RAB6B: variants seen among roughly 807,000 people sequenced by gnomAD.
RAB6B encodes ras-related protein Rab-6B.
A neutral mutation model predicts 31.2 loss-of-function variants in RAB6B; 7 were observed. The observed-to-expected ratio is 0.22, with a 90% CI of 0.13 to 0.42. The LOEUF is 0.42. Ranked by LOEUF, RAB6B falls within the 10% of genes least tolerant of loss-of-function variation. RAB6B has a pLI of 1.00. For synonymous variants in RAB6B, 105 were observed against 104.9 expected, an observed-to-expected ratio of 1.00 and a Z score of -0.01; for missense variants, 149 against 280.6, an observed-to-expected ratio of 0.53 and a Z score of 3.35.
At chr3:133,853,404 G>C (rs1936029541) in intron 2 of RAB6B, among the ~76,000 whole-genome samples, 1 of 151,886 alleles carries the variant, frequency 6.6e-6, no homozygotes, top group Non-Finnish European at 1.5e-5. Context: ...ACATAGCCCA[G>C]CAATGCCAGG....
intron 2 of RAB6B, among the ~76,000 whole-genome samples, chr3:133,845,506 G>A (rs1468565320): frequency 6.6e-6 from 1 of 152,202 alleles, no homozygotes; most frequent in Non-Finnish European, 1.5e-5. Flanking sequence ...CCAGACTCCT[G>A]AACTGTGAGC....
At chr3:133,864,139 CGT>C (rs1190954344) in intron 2 of RAB6B, among the ~76,000 whole-genome samples, 27 of 116,092 alleles carry the variant, frequency 2.3e-4, no homozygotes, top group Non-Finnish European at 3.6e-4. Context: ...TGTGTGCGCG[CGT>C]GTGTGTGTTT....
chr3:133,885,975 C>T (rs1936539648), intron 1 of RAB6B, among the ~76,000 whole-genome samples: 1 of 152,188 alleles, frequency 6.6e-6, no homozygotes, highest in South Asian at 2.1e-4. Flanking sequence ...ACCTTCTAAT[C>T]CATGAGCATG....
chr3:133,864,439 G>A, intron 2 of RAB6B, 145 bp downstream of exon 2: 1 of 771,492 alleles, frequency 1.3e-6, no homozygotes, highest in Non-Finnish European at 2.3e-6. Context: ...CAGGGATGGG[G>A]CCAGTATAGA....
At position 133,826,405 on chromosome 3, in the gene RAB6B, AAAG is replaced by A. The variant is rs969734458; in HGVS notation, c.*2380_*2382del. 6.6e-6 allele frequency: 1 copy of A among 152,262 alleles called. No individual in the cohort carries two copies. The highest frequency in any genetic ancestry group is 2.4e-5 in the African/African-American group (1 of 41,460). 9.4% of individuals were successfully genotyped at this position (152,262 alleles called of 1,614,324 possible). A position where few individuals can be genotyped will look rare whatever the true frequency, so the allele number is the denominator to read the frequency against. ...CTGTTTTATGGGATGTTTTTTTAAA[AAAG>A]CTAATCTTTAGTGCCAAGAAAATAA... On this transcript the variant is annotated 3_prime_UTR_variant, in exon 8 of 8. Transcript: ENST00000285208.
intron 2 of RAB6B, among the ~76,000 whole-genome samples, chr3:133,844,242 C>A (rs1159139868): frequency 6.6e-6 from 1 of 152,204 alleles, no homozygotes; most frequent in Non-Finnish European, 1.5e-5. Flanking sequence ...TACTTTCTCT[C>A]ACATCCCATA....
intron 1 of RAB6B, among the ~76,000 whole-genome samples, chr3:133,893,119 C>G (rs11719473): frequency 0.082 from 12,480 of 152,258 alleles, 900 homozygotes; most frequent in African/African-American, 0.2. Flanking sequence ...CACAACCCTG[C>G]TCCTTACCAA....
intron 1 of RAB6B, among the ~76,000 whole-genome samples, chr3:133,878,953 C>G (rs114036103): frequency 0.021 from 3,218 of 152,292 alleles, 49 homozygotes; most frequent in Middle Eastern, 0.068. Context: ...AGGATACCCA[C>G]ACATTCACAC....
At chr3:133,877,774 T>A (rs968438141) in intron 1 of RAB6B, among the ~76,000 whole-genome samples, 1 of 148,480 alleles carries the variant, frequency 6.7e-6, no homozygotes, top group African/African-American at 2.4e-5. Context: ...ATATTATATA[T>A]AACTTAGTTA....
At position 133,895,498 on chromosome 3, in the gene RAB6B, G is replaced by A. The variant is rs751818490; in HGVS notation, c.-32C>T. 4 of 1,607,360 alleles carry A rather than the reference G, an allele frequency of 2.5e-6. No individual in the cohort carries two copies. Among genetic ancestry groups the A allele is most frequent in the South Asian group, 2.2e-5 (2 of 90,310 alleles). On this transcript the variant is annotated 5_prime_UTR_variant, in exon 1 of 8. Coordinates refer to ENST00000285208, the MANE Select transcript of RAB6B (RefSeq NM_016577.4). The stretch of plus-strand genomic sequence containing the variant: ...GGCAGCCGGGGCCGGGAGAGGAGGA[G>A]GAGGAAAAAGCGAAGGAGCAGGGAG...
rs540193761 is a variant in RAB6B at position 133,891,046 on chromosome 3, T to C, written c.70+4351A>G. ...AAATTGGTGGGAGGAGGAAACTTGC[T>C]AGGAGGGGCTGCTGGCACATCTACC... On this transcript the variant is annotated intron_variant, in intron 1 of 7. Coordinates refer to ENST00000285208, the MANE Select transcript of RAB6B (RefSeq NM_016577.4). Among the ~76,000 whole-genome samples, 11 of 152,188 alleles carry C rather than the reference T, an allele frequency of 7.2e-5. No individual in the cohort carries two copies. The South Asian group carries it at 2.3e-3, about 32-fold the overall frequency.
chr3:133,828,920 C>G, intron 7 of RAB6B, 68 bp from the exon 8 acceptor site: 1 of 1,393,038 alleles, frequency 7.2e-7, no homozygotes, highest in East Asian at 2.4e-5. Flanking sequence ...GCCCTGTGCA[C>G]TGTACCCTTT....
intron 1 of RAB6B, among the ~76,000 whole-genome samples, chr3:133,871,289 G>A (rs1342319992): frequency 6.6e-6 from 1 of 152,218 alleles, no homozygotes; most frequent in African/African-American, 2.4e-5. Flanking sequence ...CTCCTGAGAG[G>A]CCCATGCAAG....
intron 1 of RAB6B, among the ~76,000 whole-genome samples, chr3:133,882,181 C>A (rs1328087850): frequency 1.3e-5 from 2 of 152,160 alleles, no homozygotes; most frequent in Non-Finnish European, 2.9e-5. Context: ...TGCCACGTGA[C>A]CCCCTCACAG....
intron 2 of RAB6B, 81 bp from the exon 3 acceptor site, chr3:133,841,744 C>T (rs1253656402): frequency 2.0e-5 from 29 of 1,430,218 alleles, no homozygotes; most frequent in African/African-American, 2.8e-5. Context: ...CAGGTGGTGG[C>T]ATAACCAGCA....
chr3:133,871,322 A>G (rs965763408), intron 1 of RAB6B, among the ~76,000 whole-genome samples: 5 of 152,210 alleles, frequency 3.3e-5, no homozygotes, highest in African/African-American at 1.2e-4. Flanking sequence ...TGCTGGGGAA[A>G]TCACAGTAAC....
intron 1 of RAB6B, among the ~76,000 whole-genome samples, chr3:133,872,129 C>T (rs1488982493): frequency 1.3e-5 from 2 of 152,232 alleles, no homozygotes; most frequent in African/African-American, 4.8e-5. Flanking sequence ...GCAGCCAGGC[C>T]CATTTCAGAT....
At chr3:133,891,539 A>G (rs948031265) in intron 1 of RAB6B, among the ~76,000 whole-genome samples, 1 of 152,112 alleles carries the variant, frequency 6.6e-6, no homozygotes, top group Non-Finnish European at 1.5e-5. Context: ...TTCTCTCATC[A>G]TGGCTCTCAT....
At chr3:133,855,520 A>G (rs1035819352) in intron 2 of RAB6B, among the ~76,000 whole-genome samples, 1 of 152,186 alleles carries the variant, frequency 6.6e-6, no homozygotes, top group African/African-American at 2.4e-5. Flanking sequence ...AATTTCATCA[A>G]TATCAGTGGG....
Sources: gnomAD v4.1 joint callset for allele counts (sites outside exome capture counted in the v4.1 genomes callset) on GRCh38, gnomAD v4.1.1 for gene constraint, MANE v1.5 for transcripts, NCBI Gene and HGNC (gene_info 2026-07-23, HGNC 2026-07-21) for gene names.